Variants in PSMF1 observed in about 807,000 individuals in gnomAD.
PSMF1 encodes proteasome inhibitor subunit 1.
Under a neutral mutation model 29.3 loss-of-function variants are expected in PSMF1, and 30 were observed. That is an observed-to-expected ratio of 1.02 (90% confidence interval 0.77 to 1.39). The LOEUF is 1.39. Ranked by LOEUF, PSMF1 falls within the 40% of genes most tolerant of loss-of-function variation. The pLI is 0.00. For missense variants in PSMF1, 344 were observed against 357.5 expected, an observed-to-expected ratio of 0.96 and a Z score of 0.31; for synonymous variants, 134 against 139.7, an observed-to-expected ratio of 0.96 and a Z score of 0.29.
intron 3 of PSMF1, among the ~76,000 whole-genome samples, chr20:1,132,473 T>C (rs1005109006): frequency 1.3e-5 from 2 of 151,904 alleles, no homozygotes; most frequent in African/African-American, 2.4e-5. Flanking sequence ...GACGGGGTTT[T>C]ACCATGTTAG....
At chr20:1,119,838 C>T (rs931104047) in intron 1 of PSMF1, among the ~76,000 whole-genome samples, 4 of 152,190 alleles carry the variant, frequency 2.6e-5, no homozygotes, top group Non-Finnish European at 5.9e-5. Context: ...TGTCACTGTT[C>T]TCTCACTCTC....
intron 4 of PSMF1, among the ~76,000 whole-genome samples, chr20:1,147,810 A>AG: frequency 6.6e-6 from 1 of 152,284 alleles, no homozygotes. Context: ...CTCAGCAACC[A>AG]GGCACTCACA....
At position 1,127,439 on chromosome 20, in the gene PSMF1, A is replaced by G; in HGVS notation, c.296A>G (p.Gln99Arg). Residue 99 changes from glutamine (Q) to arginine (R), a missense_variant, in exon 3 of 7, where the codon CAG (glutamine) becomes CGG (arginine). Transcript: ENST00000335877. Reference protein sequence around the residue: ...MILNVLEYGSQQVADLTLNLD... With the variant: ...MILNVLEYGSRQVADLTLNLD... ...TCACCCATCTAGGAATATGGCTCACAGCAAGTGGCAGACTTGACCCTGAAC... is the reference window on the plus strand; with the variant it reads ...TCACCCATCTAGGAATATGGCTCACGGCAAGTGGCAGACTTGACCCTGAAC... 6.2e-7 allele frequency: 1 copy of G among 1,604,852 alleles called. No homozygotes were observed. The highest frequency in any genetic ancestry group is 8.5e-7 in the Non-Finnish European group (1 of 1,171,488).
At chr20:1,114,047 G>C (rs527542764), upstream of PSMF1, among the ~76,000 whole-genome samples, 4 of 152,192 alleles carry the variant, frequency 2.6e-5, no homozygotes, top group South Asian at 8.3e-4. Flanking sequence ...TGGGAGGACA[G>C]AGCAGATCGC....
At chr20:1,119,871 A>G (rs2086064076) in intron 1 of PSMF1, among the ~76,000 whole-genome samples, 1 of 152,146 alleles carries the variant, frequency 6.6e-6, no homozygotes, top group South Asian at 2.1e-4. Context: ...AGCCATGGGA[A>G]ACAGACCACC....
intron 4 of PSMF1, among the ~76,000 whole-genome samples, chr20:1,158,152 G>A (rs897409616): frequency 4.6e-5 from 7 of 152,102 alleles, no homozygotes; most frequent in Non-Finnish European, 8.8e-5. Context: ...CCAGCAGAAC[G>A]CAATGTCATG....
intron 3 of PSMF1, among the ~76,000 whole-genome samples, chr20:1,134,440 G>A (rs1023106409): frequency 3.3e-5 from 5 of 152,140 alleles, no homozygotes; most frequent in Middle Eastern, 3.2e-3. Context: ...TACTTTATAT[G>A]ATTTCAGTTA....
chr20:1,116,088 T>C (rs1354325053), upstream of PSMF1, among the ~76,000 whole-genome samples: 1 of 151,846 alleles, frequency 6.6e-6, no homozygotes, highest in African/African-American at 2.4e-5. Flanking sequence ...CAGGAACCTG[T>C]TCATCTGTGT....
chr20:1,144,012 C>T (rs1413330302), intron 4 of PSMF1, among the ~76,000 whole-genome samples: 2 of 152,080 alleles, frequency 1.3e-5, no homozygotes, highest in Admixed American at 1.3e-4. Flanking sequence ...CACTTGAACC[C>T]GGGAGGCGGA....
At position 1,164,112 on chromosome 20, in the gene PSMF1, T is replaced by C. The variant is rs1348179962; in HGVS notation, c.606-206T>C. On this transcript the variant is annotated intron_variant, in intron 5 of 6. Coordinates refer to ENST00000335877, the MANE Select transcript of PSMF1 (RefSeq NM_006814.5). This position sits in a 1 kb window ranked among gnomAD's most constrained non-coding sequence, Gnocchi z 4.1. ...CCAACCCCTGCAGAGCCAGAAGTAC[T>C]CAGCTGTGAGGTATGCTCTTCGTAT... is the stretch of plus-strand genomic sequence containing the variant. 1.3e-5 allele frequency among the ~76,000 whole-genome samples: 2 copies of C among 152,144 alleles called. No homozygotes were observed. Among genetic ancestry groups the C allele is most frequent in the Non-Finnish European group, 2.9e-5 (2 of 68,020 alleles).
At position 1,162,240 on chromosome 20, in the gene PSMF1, C is replaced by T. The variant is rs142229874; in HGVS notation, c.552-890C>T. 4.4e-3 allele frequency among the ~76,000 whole-genome samples: 668 copies of T among 152,258 alleles called. 6 individuals carry two copies. Among genetic ancestry groups the T allele is most frequent in the African/African-American group, 0.015 (631 of 41,540 alleles). On this transcript the variant is annotated intron_variant, in intron 4 of 6. Transcript: ENST00000335877. ...GAGTTGGAAGCGGTTTGCATTTACA[C>T]CTGTAAATTTATTCATCCTTTTCAT...
intron 1 of PSMF1, among the ~76,000 whole-genome samples, chr20:1,122,322 A>T: frequency 1.5e-5 from 2 of 131,934 alleles, no homozygotes; most frequent in Non-Finnish European, 1.6e-5. Flanking sequence ...TTTTAATCCG[A>T]GATGTCTCAC....
At chr20:1,117,443 G>T (rs1195004653), upstream of PSMF1, among the ~76,000 whole-genome samples, 1 of 151,696 alleles carries the variant, frequency 6.6e-6, no homozygotes, top group Non-Finnish European at 1.5e-5. Flanking sequence ...TCCCGGGTTC[G>T]ATTGATTCTC....
In PSMF1 at chr20:1,118,681, G is replaced by C. The variant is rs531894500; in HGVS notation, c.-93G>C. 2.1e-6 allele frequency: 3 copies of C among 1,417,792 alleles called. No homozygotes were observed. The highest frequency in any genetic ancestry group is 2.9e-6 in the Non-Finnish European group (3 of 1,050,820). The allele number at this position is 1,417,792 out of a possible 1,614,324, so 87.8% of individuals were successfully genotyped here. On this transcript the variant is annotated 5_prime_UTR_variant, in exon 1 of 7. Coordinates refer to ENST00000335877, the MANE Select transcript of PSMF1 (RefSeq NM_006814.5). ...ACTCGGCAAGAACCAGCGCAAGAGG[G>C]AAGCAGAGTTATAGCTACCCCGGCC...
At chr20:1,144,696 C>A (rs1351277559) in intron 4 of PSMF1, among the ~76,000 whole-genome samples, 1 of 152,124 alleles carries the variant, frequency 6.6e-6, no homozygotes, top group East Asian at 1.9e-4. Context: ...TTGTGTGATT[C>A]CACTTACATA....
At chr20:1,152,291 C>G (rs575478251) in intron 4 of PSMF1, among the ~76,000 whole-genome samples, 1 of 152,262 alleles carries the variant, frequency 6.6e-6, no homozygotes, top group South Asian at 2.1e-4. Context: ...CTTGACTTGC[C>G]CAAAGCAACA....
intron 3 of PSMF1, among the ~76,000 whole-genome samples, chr20:1,130,734 A>G (rs548539068): frequency 2.6e-5 from 4 of 152,090 alleles, no homozygotes; most frequent in Non-Finnish European, 4.4e-5. Flanking sequence ...GCCTCAACCT[A>G]CTGGGCTCAA....
intron 4 of PSMF1, among the ~76,000 whole-genome samples, chr20:1,159,709 G>C (rs1370494285): frequency 2.0e-5 from 3 of 152,178 alleles, no homozygotes; most frequent in African/African-American, 7.2e-5. Context: ...GATGTTGGAG[G>C]CTGCTAGAAA....
chr20:1,119,306 G>C (rs6039970), intron 1 of PSMF1, among the ~76,000 whole-genome samples: 4,534 of 152,224 alleles, frequency 0.03, 206 homozygotes, highest in African/African-American at 0.1. Context: ...GACTGACTCA[G>C]TTCCGCCCTC....
Sources: gnomAD v4.1 joint callset for allele counts (sites outside exome capture counted in the v4.1 genomes callset) on GRCh38, gnomAD v4.1.1 for gene constraint, Gnocchi (gnomAD v3.1) non-coding constraint, MANE v1.5 for transcripts, NCBI Gene and HGNC (gene_info 2026-07-23, HGNC 2026-07-21) for gene names.